Variants in TRMT11 observed in about 807,000 individuals in gnomAD.
The protein encoded by TRMT11 is tRNA (guanine(10)-N(2))-methyltransferase TRMT11.
Under a neutral mutation model 62.8 loss-of-function variants are expected in TRMT11, and 53 were observed. The ratio of observed to expected loss-of-function variants is 0.84; its 90% CI spans 0.68 to 1.06. The LOEUF (loss-of-function observed/expected upper bound fraction) is 1.06, where lower values mean the gene tolerates loss of function less well. TRMT11 is among the 50% of genes least tolerant of loss of function. The pLI is 0.00. For synonymous variants in TRMT11, 188 were observed against 190.3 expected, an observed-to-expected ratio of 0.99 and a Z score of 0.10; for missense variants, 556 against 553.4, an observed-to-expected ratio of 1.00 and a Z score of -0.05.
At chr6:126,153,500 C>T (rs116937882) in intron 21 of TRMT11, among the ~76,000 whole-genome samples, 57 of 152,264 alleles carry the variant, frequency 3.7e-4, no homozygotes, top group Non-Finnish European at 7.4e-4. Context: ...TGACATAAGA[C>T]TATCACATAT....
chr6:126,161,731 T>A (rs1213001950), intron 21 of TRMT11, among the ~76,000 whole-genome samples: 2 of 152,120 alleles, frequency 1.3e-5, no homozygotes, highest in Non-Finnish European at 2.9e-5. Flanking sequence ...TTCTCCACAT[T>A]CTCTCCAGCA....
chr6:126,032,224 A>C (rs1774334897), intron 12 of TRMT11, among the ~76,000 whole-genome samples: 1 of 152,168 alleles, frequency 6.6e-6, no homozygotes, highest in African/African-American at 2.4e-5. Context: ...TCCATGCCCT[A>C]CATGGTGGCC....
At chr6:126,094,092 T>C (rs916996274) in intron 17 of TRMT11, among the ~76,000 whole-genome samples, 2 of 147,878 alleles carry the variant, frequency 1.4e-5, no homozygotes, top group East Asian at 2.0e-4. Flanking sequence ...GAAAATGTGA[T>C]ACACACACAC....
chr6:126,246,255 TC>T, the TRMT11 span, among the ~76,000 whole-genome samples: 1 of 152,174 alleles, frequency 6.6e-6, no homozygotes, highest in African/African-American at 2.4e-5. Flanking sequence ...ATGGTTGAGC[TC>T]ACACGAAGGT....
chr6:126,016,838 CT>C (rs1275317421), intron 11 of TRMT11, among the ~76,000 whole-genome samples: 3 of 152,038 alleles, frequency 2.0e-5, no homozygotes, highest in Non-Finnish European at 4.4e-5. Flanking sequence ...TTCAGATCCC[CT>C]GATGTTCATT....
chr6:126,242,381 T>G, the TRMT11 span, among the ~76,000 whole-genome samples: 17 of 152,214 alleles, frequency 1.1e-4, no homozygotes, highest in Admixed American at 1.1e-3. Flanking sequence ...ATAGATTCAA[T>G]GCCATCCCCA....
At chr6:126,189,570 A>G (rs1460708642) in intron 1 of TRMT11, among the ~76,000 whole-genome samples, 1 of 152,160 alleles carries the variant, frequency 6.6e-6, no homozygotes, top group Non-Finnish European at 1.5e-5. Context: ...CTTAGGGTTA[A>G]GGAAAATGGA....
At chr6:126,003,341 C>T (rs541601188) in intron 7 of TRMT11, among the ~76,000 whole-genome samples, 2 of 152,202 alleles carry the variant, frequency 1.3e-5, no homozygotes, top group African/African-American at 2.4e-5. Context: ...GACAATTCTT[C>T]TTCGAATGTG....
At chr6:126,113,502 G>C (rs1311832198) in intron 18 of TRMT11, among the ~76,000 whole-genome samples, 1 of 152,058 alleles carries the variant, frequency 6.6e-6, no homozygotes, top group Non-Finnish European at 1.5e-5. Context: ...ATATACATGA[G>C]AGACTGAGTT....
chr6:126,090,391 G>C (rs1418596952), intron 17 of TRMT11, among the ~76,000 whole-genome samples: 1 of 152,194 alleles, frequency 6.6e-6, no homozygotes, highest in East Asian at 1.9e-4. Flanking sequence ...TGCTGTGAAA[G>C]TTGTGAAAAG....
chr6:126,127,904 A>G (rs1470679848), intron 21 of TRMT11, among the ~76,000 whole-genome samples: 1 of 152,072 alleles, frequency 6.6e-6, no homozygotes, highest in Non-Finnish European at 1.5e-5. Flanking sequence ...ATTGGACCAG[A>G]TGATCTTTAA....
chr6:126,238,190 T>C, the TRMT11 span, among the ~76,000 whole-genome samples: 69 of 152,224 alleles, frequency 4.5e-4, no homozygotes, highest in Middle Eastern at 6.8e-3. Flanking sequence ...TTTTGAAGGG[T>C]TTTTTGTGTC....
intron 9 of TRMT11, among the ~76,000 whole-genome samples, chr6:126,012,402 CTT>C (rs916918115): frequency 2.0e-5 from 3 of 152,072 alleles, no homozygotes; most frequent in African/African-American, 4.8e-5. Context: ...TGATAAAATA[CTT>C]TCATCTACAG....
intron 17 of TRMT11, among the ~76,000 whole-genome samples, chr6:126,101,492 G>C (rs1386817404): frequency 6.6e-6 from 1 of 152,206 alleles, no homozygotes; most frequent in Admixed American, 6.5e-5. Context: ...AATGTGCAGA[G>C]AGGTTATGCA....
Position 125,998,133 on chromosome 6 carries a change from T to C in TRMT11, c.293T>C (p.Met98Thr), listed in dbSNP as rs149262696. 10 of 1,612,968 alleles carry C rather than the reference T, an allele frequency of 6.2e-6. No homozygotes were observed. In the African/African-American group the frequency reaches 1.1e-4, roughly 17 times the overall value. ...SSLKNYPVEK[M>T]VPFLHSDSTY... The stretch of plus-strand genomic sequence containing the variant: ...CTTAAAAACTACCCTGTGGAGAAGA[T>C]GGTGCGTAGTAAAATGTGGTTTTAT... The change falls in exon 4 of 13, where the codon ATG (methionine) becomes ACG (threonine). Residue 98 changes from methionine (M) to threonine (T), a missense_variant and splice_region_variant. Coordinates refer to ENST00000334379, the MANE Select transcript of TRMT11 (RefSeq NM_001031712.3).
chr6:126,122,473 ATAT>A (rs1777661286), intron 21 of TRMT11, among the ~76,000 whole-genome samples: 1 of 152,154 alleles, frequency 6.6e-6, no homozygotes, highest in Admixed American at 6.6e-5. Flanking sequence ...AATCCTGAAA[ATAT>A]TATATGTAAG....
At chr6:126,119,518 G>T (rs886355417) in intron 21 of TRMT11, among the ~76,000 whole-genome samples, 5 of 151,780 alleles carry the variant, frequency 3.3e-5, no homozygotes, top group African/African-American at 1.2e-4. Context: ...AAGAAAACTG[G>T]TGGCTGTTGG....
chr6:126,091,073 G>C, intron 17 of TRMT11, among the ~76,000 whole-genome samples: 1 of 152,160 alleles, frequency 6.6e-6, no homozygotes, highest in East Asian at 1.9e-4. Flanking sequence ...AGCAGGGTGC[G>C]GTGGCAGGCG....
Position 126,093,621 on chromosome 6 carries a change from A to ATT in TRMT11, c.*1438-19244_*1438-19243insTT, listed in dbSNP as rs1225083747. On this transcript the variant is annotated intron_variant and NMD_transcript_variant, in intron 17 of 22. Transcript: ENST00000648977. ...TATATATATATATATATATATATATATATATATATATTTTCCCCCAGTCCT... is the reference window on the plus strand; with the variant it reads ...TATATATATATATATATATATATATATTTATATATATATTTTCCCCCAGTCCT... 2.2e-5 allele frequency among the ~76,000 whole-genome samples: 2 copies of ATT among 90,248 alleles called. 1 individual carries two copies. The highest frequency in any genetic ancestry group is 1.9e-4 in the African/African-American group (2 of 10,530). The allele number at this position is 90,248 out of a possible 152,430, so 59.2% of individuals were successfully genotyped here.
Sources: allele counts gnomAD v4.1 joint callset (sites outside exome capture counted in the v4.1 genomes callset), GRCh38; gene constraint gnomAD v4.1.1; transcripts MANE v1.5; gene names NCBI Gene and HGNC (gene_info 2026-07-23, HGNC 2026-07-21).